Variants in MAP2K5 observed in about 807,000 individuals in gnomAD.
MAP2K5 encodes the protein mitogen-activated protein kinase kinase 5, also known as dual specificity mitogen-activated protein kinase kinase 5.
In MAP2K5, 49 loss-of-function variants were observed where a neutral mutation model predicts 83.1. The ratio of observed to expected loss-of-function variants is 0.59; its 90% CI spans 0.47 to 0.75. The LOEUF is 0.75. Ranked by LOEUF, MAP2K5 falls within the 30% of genes least tolerant of loss-of-function variation. MAP2K5 has a pLI of 0.00. For synonymous variants in MAP2K5, 202 were observed against 191.8 expected, an observed-to-expected ratio of 1.05 and a Z score of -0.44; for missense variants, 457 against 557.5, an observed-to-expected ratio of 0.82 and a Z score of 1.82.
At chr15:67,729,745 C>T (rs960719961) in intron 17 of MAP2K5, among the ~76,000 whole-genome samples, 1 of 152,116 alleles carries the variant, frequency 6.6e-6, no homozygotes, top group Non-Finnish European at 1.5e-5. Flanking sequence ...GCCTGGGCAA[C>T]AGAGCAAGAT....
At chr15:67,684,962 T>C (rs772399223) in intron 13 of MAP2K5, among the ~76,000 whole-genome samples, 15 of 152,110 alleles carry the variant, frequency 9.9e-5, no homozygotes, top group Non-Finnish European at 1.8e-4. Context: ...TTTGAGACAC[T>C]ATCAAGAAGT....
intron 8 of MAP2K5, chr15:67,628,820 C>T (rs1298352292): frequency 9.3e-6 from 7 of 749,770 alleles, no homozygotes; most frequent in Non-Finnish European, 1.7e-5. Flanking sequence ...CAATTTTGGT[C>T]ATGGACGAAA....
chr15:67,675,204 C>T (rs959531123), intron 13 of MAP2K5, among the ~76,000 whole-genome samples: 8 of 152,286 alleles, frequency 5.3e-5, no homozygotes, highest in Non-Finnish European at 8.8e-5. Context: ...CTCAGATGTC[C>T]TTCAACAGGT....
rs2085095991 is a variant in MAP2K5, at chr15:67,577,822, GA to G, written c.253-2929del. ...TTGAGACCAGCCTGGCCAACATGGT[GA>G]AACCCCATCTCTACTAAAAATACAA... On this transcript the variant is annotated intron_variant, in intron 3 of 21. Coordinates refer to ENST00000178640, the MANE Select transcript of MAP2K5 (RefSeq NM_145160.3). The surrounding 1 kb of genome is among the most constrained non-coding windows in gnomAD (Gnocchi z 4.1). Among the ~76,000 whole-genome samples, 2 of 152,186 alleles carry G rather than the reference GA, an allele frequency of 1.3e-5. No homozygotes were observed. Among genetic ancestry groups the G allele is most frequent in the East Asian group, 3.9e-4 (2 of 5,168 alleles).
rs571141683 is a variant in MAP2K5, at chr15:67,694,810, G to A, written c.972+1242G>A. ...TGCTGCTATAAAGACACATGCACAC[G>A]TATGTTTATTGTGGCATTATTCACA... On this transcript the variant is annotated intron_variant, in intron 15 of 21. Coordinates refer to ENST00000178640, the MANE Select transcript of MAP2K5 (RefSeq NM_145160.3). Among the ~76,000 whole-genome samples the A allele has an allele frequency of 3.5e-3, 529 of 152,038 alleles. 4 individuals carry two copies. Among genetic ancestry groups the A allele is most frequent in the African/African-American group, 0.012 (502 of 41,434 alleles).
chr15:67,546,507 G>A (rs184001755), intron 1 of MAP2K5: 16 of 810,640 alleles, frequency 2.0e-5, no homozygotes, highest in African/African-American at 1.5e-4. Flanking sequence ...GGGCAAGTCA[G>A]TCGGTCTCTC....
chr15:67,669,237 A>G (rs1161665348), intron 13 of MAP2K5, among the ~76,000 whole-genome samples: 1 of 152,176 alleles, frequency 6.6e-6, no homozygotes, highest in East Asian at 1.9e-4. Flanking sequence ...GCAGTGATAG[A>G]GTGGGTTAGG....
At position 67,781,586 on chromosome 15, in the gene MAP2K5, T is replaced by A. The variant is rs1392828260; in HGVS notation, c.1242+8834T>A. On this transcript the variant is annotated intron_variant, in intron 21 of 21. Transcript: ENST00000178640. The surrounding 1 kb of genome is among the most constrained non-coding windows in gnomAD (Gnocchi z 4.0). Reference sequence around the variant, plus strand: ...GTCTACCGAGAGACATTTGCTGGAGTGTGGACTAGTTTCTTTCCAGTATCG... The same window carrying A: ...GTCTACCGAGAGACATTTGCTGGAGAGTGGACTAGTTTCTTTCCAGTATCG... Among the ~76,000 whole-genome samples, 4 of 152,108 alleles carry A rather than the reference T, an allele frequency of 2.6e-5. No individual in the cohort carries two copies. The highest frequency in any genetic ancestry group is 4.4e-5 in the Non-Finnish European group (3 of 68,002).
rs1351728147 is a variant in MAP2K5, at chr15:67,586,882, C to A, written c.400C>A (p.Pro134Thr). Residue 134 changes from proline (P) to threonine (T), a missense_variant, in exon 6 of 22, where the codon CCA (proline) becomes ACA (threonine). By Grantham distance (38) the Pro-to-Thr change is conservative. Transcript: ENST00000178640. ...GGCCGGACCCTCTCAACACAGCAGC[C>A]CAGCAGTCTCAGATTCACTTCCAAG... ...TRAGPSQHSS[P>T]AVSDSLPSNS... 1.2e-6 allele frequency: 2 copies of A among 1,614,008 alleles called. No homozygotes were observed. Among genetic ancestry groups the A allele is most frequent in the Non-Finnish European group, 1.7e-6 (2 of 1,180,032 alleles).
rs2090577558 is a variant in MAP2K5, at chr15:67,794,812, C to T, written c.1243-11834C>T. Among the ~76,000 whole-genome samples the T allele has an allele frequency of 6.6e-6, 1 of 152,126 alleles. No homozygotes were observed. The highest frequency in any genetic ancestry group is 2.1e-4 in the South Asian group (1 of 4,816). On this transcript the variant is annotated intron_variant, in intron 21 of 21. Coordinates refer to ENST00000178640, the MANE Select transcript of MAP2K5 (RefSeq NM_145160.3). This position sits in a 1 kb window ranked among gnomAD's most constrained non-coding sequence, Gnocchi z 4.6. ...GTCTTTGTGTAAATGGTTTGTTTCT[C>T]CCTGTTAAGGAACTAGAAAAACTGT...
At chr15:67,628,456 G>A in intron 8 of MAP2K5, 1 of 572,802 alleles carries the variant, frequency 1.7e-6, no homozygotes, top group East Asian at 3.0e-5. Context: ...CTCCAGCCTG[G>A]GCGACAGAGC....
rs940974485 is a variant in MAP2K5, at chr15:67,747,527, A to G, written c.1075-704A>G. Among the ~76,000 whole-genome samples the G allele has an allele frequency of 5.9e-5, 9 of 152,224 alleles. No homozygotes were observed. The highest frequency in any genetic ancestry group is 1.2e-4 in the Non-Finnish European group (8 of 68,046). ...GTTTTAGTAGCTTTGTAAGAAATGCAGTTTATCAGTGTTAAATGTGTGAGC... is the reference window on the plus strand; with the variant it reads ...GTTTTAGTAGCTTTGTAAGAAATGCGGTTTATCAGTGTTAAATGTGTGAGC... On this transcript the variant is annotated intron_variant, in intron 17 of 21. Transcript: ENST00000178640. The surrounding 1 kb of genome is among the most constrained non-coding windows in gnomAD (Gnocchi z 4.1).
In MAP2K5 at chr15:67,790,718, AAAAC is replaced by A. The variant is rs913556968; in HGVS notation, c.1243-15916_1243-15913del. 2.0e-5 allele frequency among the ~76,000 whole-genome samples: 3 copies of A among 152,052 alleles called. No homozygotes were observed. Among genetic ancestry groups the A allele is most frequent in the Admixed American group, 1.3e-4 (2 of 15,278 alleles). ...AGCTGTCAGGAGAGCCAGTCACATA[AAAAC>A]AAACAAACAAAAAAAAAAAAACCTG... On this transcript the variant is annotated intron_variant, in intron 21 of 21. Coordinates refer to ENST00000178640, the MANE Select transcript of MAP2K5 (RefSeq NM_145160.3). This position sits in a 1 kb window ranked among gnomAD's most constrained non-coding sequence, Gnocchi z 4.6.
In MAP2K5 at chr15:67,559,205, C is replaced by T. The variant is rs949942080; in HGVS notation, c.185-4078C>T. 6.6e-6 allele frequency among the ~76,000 whole-genome samples: 1 copy of T among 152,212 alleles called. No individual in the cohort carries two copies. Among genetic ancestry groups the T allele is most frequent in the Admixed American group, 6.5e-5 (1 of 15,280 alleles). ...GCCTTTGCAGTAGTTCTAATTGCCA[C>T]CTGGCACAGAAGGAGTGTGACAAAT... On this transcript the variant is annotated intron_variant, in intron 2 of 21. Coordinates refer to ENST00000178640, the MANE Select transcript of MAP2K5 (RefSeq NM_145160.3). The surrounding 1 kb of genome is among the most constrained non-coding windows in gnomAD (Gnocchi z 4.7).
intron 11 of MAP2K5, among the ~76,000 whole-genome samples, chr15:67,657,136 C>G (rs1045158821): frequency 6.6e-6 from 1 of 152,250 alleles, no homozygotes; most frequent in Admixed American, 6.5e-5. Flanking sequence ...AAATTAGATT[C>G]CTTTTTGGCT....
In MAP2K5 at chr15:67,563,565, A is replaced by T. The variant is rs962560542; in HGVS notation, c.252+215A>T. Among the ~76,000 whole-genome samples, 3 of 152,228 alleles carry T rather than the reference A, an allele frequency of 2.0e-5. No individual in the cohort carries two copies. The highest frequency in any genetic ancestry group is 6.5e-5 in the Admixed American group (1 of 15,290). ...ATATCATAAACATTAAGAATAATGC[A>T]TCTTAATGACTTTTGCATTAGGTAT... On this transcript the variant is annotated intron_variant, in intron 3 of 21. Coordinates refer to ENST00000178640, the MANE Select transcript of MAP2K5 (RefSeq NM_145160.3). This position sits in a 1 kb window ranked among gnomAD's most constrained non-coding sequence, Gnocchi z 4.5.
intron 8 of MAP2K5, among the ~76,000 whole-genome samples, chr15:67,630,162 A>C (rs2141086818): frequency 6.6e-6 from 1 of 152,288 alleles, no homozygotes; most frequent in Middle Eastern, 3.4e-3. Flanking sequence ...TGAGCTGAGG[A>C]GTTTGAGGCT....
intron 1 of MAP2K5, chr15:67,546,454 T>C (rs1360646702): frequency 4.1e-5 from 11 of 269,928 alleles, no homozygotes; most frequent in Non-Finnish European, 6.3e-5. Context: ...AAGTCAGCAG[T>C]TGAGGGCTCC....
At chr15:67,756,367 G>A (rs1227303960) in intron 19 of MAP2K5, among the ~76,000 whole-genome samples, 2 of 152,154 alleles carry the variant, frequency 1.3e-5, no homozygotes, top group Non-Finnish European at 2.9e-5. Context: ...TGTAGAATGT[G>A]AAAGTTATAT....
Sources: allele counts gnomAD v4.1 joint callset (sites outside exome capture counted in the v4.1 genomes callset), GRCh38; gene constraint gnomAD v4.1.1; non-coding constraint Gnocchi (gnomAD v3.1); transcripts MANE v1.5; gene names NCBI Gene and HGNC (gene_info 2026-07-23, HGNC 2026-07-21).